Variants in TUBB6 observed in about 807,000 individuals in gnomAD.
TUBB6 encodes the protein tubulin beta-6 chain.
A neutral mutation model predicts 32.3 loss-of-function variants in TUBB6; 18 were observed. The observed-to-expected ratio is 0.56, with a 90% CI of 0.39 to 0.83. The LOEUF (loss-of-function observed/expected upper bound fraction) is 0.83, where lower values mean the gene tolerates loss of function less well. Ranked by LOEUF, TUBB6 falls within the 40% of genes least tolerant of loss-of-function variation. TUBB6 has a pLI of 0.00. For missense variants in TUBB6, 480 were observed against 632.0 expected (o/e 0.76, Z 2.58); for synonymous variants, 280 against 265.8 (o/e 1.05, Z -0.52).
rs1393936257 is a variant in TUBB6 at position 12,308,265 on chromosome 18, C to T, written c.-28C>T. ...CAGTTGCCGCTGTCGTCCGCAGAGC[C>T]AGTTCCTAGCGCAGAGCCGCGCCCG... On this transcript the variant is annotated 5_prime_UTR_variant, in exon 1 of 4. Transcript: ENST00000317702. 7.0e-7 allele frequency: 1 copy of T among 1,418,670 alleles called. No individual in the cohort carries two copies. The highest frequency in any genetic ancestry group is 9.3e-7 in the Non-Finnish European group (1 of 1,079,482). The allele number at this position is 1,418,670 out of a possible 1,614,324, so 87.9% of individuals were successfully genotyped here.
At chr18:12,315,957 A>G (rs747223943) in intron 3 of TUBB6, among the ~76,000 whole-genome samples, 12 of 152,236 alleles carry the variant, frequency 7.9e-5, no homozygotes, top group Non-Finnish European at 1.5e-4. Flanking sequence ...AAAAAAAGAT[A>G]TCAGTTGTCT....
rs115571764 is a variant in TUBB6 at position 12,323,499 on chromosome 18, C to G, written c.278-1568C>G. On this transcript the variant is annotated intron_variant, in intron 3 of 3. Coordinates refer to ENST00000317702, the MANE Select transcript of TUBB6 (RefSeq NM_032525.3). ...TTAGGTAAAGTAAGATATACATAAG[C>G]CTGTCTGGCAAAAATGCACCATTAT... 3.2e-3 allele frequency among the ~76,000 whole-genome samples: 492 copies of G among 152,170 alleles called. 3 individuals are homozygous for G. The highest frequency in any genetic ancestry group is 0.011 in the African/African-American group (460 of 41,528).
intron 3 of TUBB6, among the ~76,000 whole-genome samples, chr18:12,311,755 A>G (rs899857631): frequency 1.3e-5 from 2 of 152,160 alleles, no homozygotes; most frequent in Non-Finnish European, 2.9e-5. Flanking sequence ...TCTTCCACCT[A>G]AAAAATGATA....
intron 3 of TUBB6, among the ~76,000 whole-genome samples, chr18:12,314,973 T>TA (rs1491077773): frequency 5.8e-5 from 8 of 138,168 alleles, no homozygotes; most frequent in Non-Finnish European, 1.1e-4. Context: ...CTTTTTTTTT[T>TA]TAGCAAAAAC....
chr18:12,308,280 A>G lies in TUBB6; in HGVS notation c.-13A>G. On this transcript the variant is annotated 5_prime_UTR_variant, in exon 1 of 4. Coordinates refer to ENST00000317702, the MANE Select transcript of TUBB6 (RefSeq NM_032525.3). ...TCCGCAGAGCCAGTTCCTAGCGCAG[A>G]GCCGCGCCCGCCATGAGGGAGATCG... The G allele has an allele frequency of 1.4e-6, 2 of 1,440,910 alleles. No homozygotes were observed. Among genetic ancestry groups the G allele is most frequent in the Non-Finnish European group, 1.8e-6 (2 of 1,091,824 alleles). 89.3% of individuals were successfully genotyped at this position (1,440,910 alleles called of 1,614,324 possible). A position where few individuals can be genotyped will look rare whatever the true frequency, so the allele number is the denominator to read the frequency against.
downstream of TUBB6, among the ~76,000 whole-genome samples, chr18:12,328,110 T>C (rs1206644033): frequency 6.6e-6 from 1 of 152,234 alleles, no homozygotes; most frequent in Non-Finnish European, 1.5e-5. Flanking sequence ...TCTCCTGGCA[T>C]GCTGAGCTGT....
At chr18:12,323,672 G>A (rs1408835518) in intron 3 of TUBB6, among the ~76,000 whole-genome samples, 1 of 152,086 alleles carries the variant, frequency 6.6e-6, no homozygotes, top group Admixed American at 6.6e-5. Flanking sequence ...GCCAGGCGTG[G>A]TGGTGGGTGC....
intron 2 of TUBB6, among the ~76,000 whole-genome samples, chr18:12,309,781 C>T (rs544770706): frequency 3.9e-4 from 60 of 152,276 alleles, no homozygotes; most frequent in Middle Eastern, 6.8e-3. Context: ...CGTGTCCTCA[C>T]CGGGAACAAG....
At chr18:12,329,605 T>C (rs760674564), downstream of TUBB6, 4 of 1,614,008 alleles carry the variant, frequency 2.5e-6, no homozygotes, top group Non-Finnish European at 2.5e-6. Context: ...CTCTTTCTCC[T>C]TTTCCCGCTC....
Position 12,311,679 on chromosome 18 carries a change from T to C in TUBB6, c.277+626T>C, listed in dbSNP as rs146801110. 4.6e-5 allele frequency among the ~76,000 whole-genome samples: 7 copies of C among 152,328 alleles called. No individual in the cohort carries two copies. The East Asian group carries it at 1.2e-3, about 25-fold the overall frequency. ...TTTTTCCCCATCATTATAAAGTTATTTTGCCATTTGTTTTTGGTTCCTATA... is the reference window on the plus strand; with the variant it reads ...TTTTTCCCCATCATTATAAAGTTATCTTGCCATTTGTTTTTGGTTCCTATA... On this transcript the variant is annotated intron_variant, in intron 3 of 3. Coordinates refer to ENST00000317702, the MANE Select transcript of TUBB6 (RefSeq NM_032525.3).
At position 12,326,121 on chromosome 18, in the gene TUBB6, C is replaced by G. The variant is rs376872570; in HGVS notation, c.1332C>G (p.Ile444Met). 2.6e-5 allele frequency: 42 copies of G among 1,611,784 alleles called. No homozygotes were observed. The highest frequency in any genetic ancestry group is 3.4e-5 in the Non-Finnish European group (40 of 1,178,772). The part of the protein sequence containing the change: ...EEAFEDEEEE[I>M]DG ...CTTTTGAGGATGAGGAAGAGGAGAT[C>G]GATGGATAGTCGGAATAGAGCCGCC... Residue 444 changes from isoleucine (I) to methionine (M), a missense_variant, in exon 4 of 4, where the codon ATC becomes ATG. Transcript: ENST00000317702.
intron 3 of TUBB6, among the ~76,000 whole-genome samples, chr18:12,319,147 T>C (rs1477745594): frequency 2.5e-5 from 1 of 40,414 alleles, no homozygotes; most frequent in African/African-American, 5.3e-5. Flanking sequence ...TTTTTTTTTT[T>C]TCTTTTTTTT....
At chr18:12,308,386 G>T (rs1485645132) in intron 1 of TUBB6, 37 bp downstream of exon 1, 2 of 1,334,414 alleles carry the variant, frequency 1.5e-6, no homozygotes, top group Non-Finnish European at 9.6e-7. Context: ...TCCGCGGGTC[G>T]GCTGCTGGCG....
chr18:12,327,021 T>C (rs1907361213), downstream of TUBB6, among the ~76,000 whole-genome samples: 1 of 152,182 alleles, frequency 6.6e-6, no homozygotes, highest in African/African-American at 2.4e-5. Context: ...CCTTTGGAGT[T>C]TCCAAAGATA....
chr18:12,310,599 C>T (rs1237441337), intron 2 of TUBB6, among the ~76,000 whole-genome samples: 1 of 151,994 alleles, frequency 6.6e-6, no homozygotes, highest in South Asian at 2.1e-4. Context: ...CCTCAGCTTC[C>T]AGAGTAGCTA....
At chr18:12,315,003 A>C (rs1906596283) in intron 3 of TUBB6, among the ~76,000 whole-genome samples, 1 of 152,124 alleles carries the variant, frequency 6.6e-6, no homozygotes, top group Non-Finnish European at 1.5e-5. Flanking sequence ...CACACTCTTA[A>C]AAGTTTAAAA....
At chr18:12,322,260 T>C (rs1471544578) in intron 3 of TUBB6, among the ~76,000 whole-genome samples, 1 of 151,546 alleles carries the variant, frequency 6.6e-6, no homozygotes, top group East Asian at 1.9e-4. Flanking sequence ...ACCGTGCCAC[T>C]GCACTTTAGC....
intron 2 of TUBB6, among the ~76,000 whole-genome samples, chr18:12,309,058 C>T (rs1906194993): frequency 6.6e-6 from 1 of 152,188 alleles, no homozygotes; most frequent in Non-Finnish European, 1.5e-5. Flanking sequence ...CCTGCCCAGC[C>T]TTCTCTGTCT....
intron 2 of TUBB6, among the ~76,000 whole-genome samples, chr18:12,309,206 T>C (rs1906209058): frequency 1.0e-5 from 1 of 99,228 alleles, no homozygotes; most frequent in Admixed American, 1.3e-4. Context: ...CCCCGATCTC[T>C]ACAACAATTT....
Sources: gnomAD v4.1 joint callset for allele counts (sites outside exome capture counted in the v4.1 genomes callset) on GRCh38, gnomAD v4.1.1 for gene constraint, MANE v1.5 for transcripts, NCBI Gene and HGNC (gene_info 2026-07-23, HGNC 2026-07-21) for gene names.